Variants in EMB observed in about 807,000 individuals in gnomAD.
EMB encodes embigin homolog.
Under a neutral mutation model 41.4 loss-of-function variants are expected in EMB, and 31 were observed. That is an observed-to-expected ratio of 0.75 (90% CI 0.56 to 1.01). EMB has a LOEUF of 1.01. Ranked by LOEUF, EMB falls within the 50% of genes least tolerant of loss-of-function variation. The probability of loss-of-function intolerance (pLI) is 0.00; values close to 1 mark genes in which losing one functional copy is unlikely to be tolerated. For missense variants in EMB, 379 were observed against 388.3 expected, an observed-to-expected ratio of 0.98 and a Z score of 0.20; for synonymous variants, 137 against 140.4, an observed-to-expected ratio of 0.98 and a Z score of 0.17.
At chr5:50,437,463 C>T (rs1447010212) in intron 1 of EMB, among the ~76,000 whole-genome samples, 3 of 152,106 alleles carry the variant, frequency 2.0e-5, no homozygotes. Context: ...ATCTTTAATA[C>T]TTTGTACCCC....
At position 50,396,661 on chromosome 5, in the gene EMB, A is replaced by AGGT. The variant is rs1745071042; in HGVS notation, c.*2611_*2612insACC. ...TAGCAATTTGGAGAATGCAATATTA[A>AGGT]GAAATGGCAAAGGTGAGCCTACAGA... On this transcript the variant is annotated 3_prime_UTR_variant, in exon 9 of 9. Transcript: ENST00000303221. The AGGT allele has an allele frequency of 1.3e-5, 2 of 152,156 alleles. No individual in the cohort carries two copies. Among genetic ancestry groups the AGGT allele is most frequent in the Admixed American group, 1.3e-4 (2 of 15,264 alleles). The allele number at this position is 152,156 out of a possible 1,614,324, so 9.4% of individuals were successfully genotyped here. A position where few individuals can be genotyped will look rare whatever the true frequency, so the allele number is the denominator to read the frequency against.
intron 2 of EMB, among the ~76,000 whole-genome samples, chr5:50,412,690 T>C (rs950918458): frequency 1.3e-5 from 2 of 152,106 alleles, no homozygotes; most frequent in African/African-American, 4.8e-5. Flanking sequence ...TTAAATACGC[T>C]TTTTGTTTTG....
chr5:50,426,689 T>A (rs1158638185), intron 2 of EMB, among the ~76,000 whole-genome samples: 1 of 152,102 alleles, frequency 6.6e-6, no homozygotes, highest in African/African-American at 2.4e-5. Flanking sequence ...AAGTATTGTT[T>A]CTAGACAACA....
rs1279194811 is a variant in EMB at position 50,403,413 on chromosome 5, T to C, written c.642A>G (p.Gly214=). ...GVQMNKYVIN[G]TYANETKLKI... is the part of the protein sequence containing the mutation. ...TCAGCTTTGTTTCGTTAGCATATGT[T>C]CCATTGATCACATATTTATTCATTT... Residue 214 remains glycine (G), a synonymous_variant, in exon 6 of 9, where the codon GGA becomes GGG. Transcript: ENST00000303221. 6.2e-7 allele frequency: 1 copy of C among 1,612,438 alleles called. No homozygotes were observed. Among genetic ancestry groups the C allele is most frequent in the African/African-American group, 1.3e-5 (1 of 74,894 alleles).
At chr5:50,419,257 T>C (rs1488941918) in intron 2 of EMB, among the ~76,000 whole-genome samples, 1 of 152,106 alleles carries the variant, frequency 6.6e-6, no homozygotes, top group Non-Finnish European at 1.5e-5. Flanking sequence ...ATCAAAATCA[T>C]CTCAAGCCAT....
chr5:50,433,046 C>G (rs1017260505), intron 1 of EMB, among the ~76,000 whole-genome samples: 13 of 152,096 alleles, frequency 8.5e-5, no homozygotes, highest in African/African-American at 2.4e-4. Flanking sequence ...TCACTGCACT[C>G]CAGCCTGGAT....
intron 1 of EMB, among the ~76,000 whole-genome samples, chr5:50,439,855 A>T (rs1745867523): frequency 6.6e-6 from 1 of 152,188 alleles, no homozygotes; most frequent in South Asian, 2.1e-4. Flanking sequence ...ATAATGTCCC[A>T]ATTTTAGTTA....
chr5:50,409,287 T>C (rs1447674145), intron 4 of EMB, among the ~76,000 whole-genome samples: 2 of 152,090 alleles, frequency 1.3e-5, no homozygotes, highest in Non-Finnish European at 2.9e-5. Context: ...TTCCACATAA[T>C]AATTTAAGTA....
At chr5:50,420,048 A>G (rs1215584879) in intron 2 of EMB, among the ~76,000 whole-genome samples, 1 of 152,118 alleles carries the variant, frequency 6.6e-6, no homozygotes, top group East Asian at 1.9e-4. Context: ...AGGGGTGCAG[A>G]GCATTAGGGA....
chr5:50,432,816 C>T (rs1377779949), intron 1 of EMB, among the ~76,000 whole-genome samples: 3 of 150,476 alleles, frequency 2.0e-5, no homozygotes, highest in Admixed American at 6.6e-5. Flanking sequence ...CGGTGGCTCA[C>T]GCTTCTAATC....
chr5:50,396,589 GC>G lies in EMB; in HGVS notation c.*2683del, dbSNP rs1214357560. ...TAGAAGTGTGAAGAGCACTTTCTGA[GC>G]GGAATCTCCATGTGCCAAGTCTAGT... On this transcript the variant is annotated 3_prime_UTR_variant, in exon 9 of 9. Transcript: ENST00000303221. The G allele has an allele frequency of 1.3e-5, 2 of 152,138 alleles. No individual in the cohort carries two copies. Among genetic ancestry groups the G allele is most frequent in the African/African-American group, 4.8e-5 (2 of 41,450 alleles). 9.4% of individuals were successfully genotyped at this position (152,138 alleles called of 1,614,324 possible). A position where few individuals can be genotyped will look rare whatever the true frequency, so the allele number is the denominator to read the frequency against.
upstream of EMB, chr5:50,441,451 C>A (rs551148804): frequency 3.3e-5 from 8 of 244,848 alleles, no homozygotes; most frequent in East Asian, 5.1e-4. Flanking sequence ...TCCGCCCTCT[C>A]GGCTCTAGCA....
chr5:50,437,468 T>C (rs1745823744), intron 1 of EMB, among the ~76,000 whole-genome samples: 3 of 152,204 alleles, frequency 2.0e-5, no homozygotes, highest in Admixed American at 6.5e-5. Context: ...TAATACTTTG[T>C]ACCCCATCAA....
chr5:50,406,991 T>C (rs1333219624), intron 4 of EMB, among the ~76,000 whole-genome samples: 1 of 151,962 alleles, frequency 6.6e-6, no homozygotes, highest in Non-Finnish European at 1.5e-5. Context: ...GATGCACTAG[T>C]GCATTACTAG....
At chr5:50,425,848 T>C (rs1190713277) in intron 2 of EMB, among the ~76,000 whole-genome samples, 2 of 151,930 alleles carry the variant, frequency 1.3e-5, no homozygotes, top group Non-Finnish European at 2.9e-5. Context: ...CACACTTGGC[T>C]AATTTTTGTA....
upstream of EMB, chr5:50,441,339 T>G (rs1020867147): frequency 1.1e-5 from 4 of 375,634 alleles, no homozygotes; most frequent in Non-Finnish European, 1.9e-5. Flanking sequence ...GAGACGCTCT[T>G]ACCGCGCCCG....
rs998682315 is a variant in EMB, at chr5:50,412,578, C to A, written c.197-1195G>T. ...CTCATTTCGTTTTTCCATAAGCTGC[C>A]TTTCTCTCCTCCTCTCCTTACCCTA... On this transcript the variant is annotated intron_variant, in intron 2 of 8. Transcript: ENST00000303221. 2.6e-5 allele frequency among the ~76,000 whole-genome samples: 4 copies of A among 152,266 alleles called. No homozygotes were observed. The East Asian group carries it at 7.7e-4, about 29-fold the overall frequency.
upstream of EMB, among the ~76,000 whole-genome samples, chr5:50,442,687 G>A (rs1745934583): frequency 6.6e-6 from 1 of 152,284 alleles, no homozygotes; most frequent in South Asian, 2.1e-4. Context: ...GGCATTGACT[G>A]GGCTTGCTAA....
intron 2 of EMB, among the ~76,000 whole-genome samples, chr5:50,417,476 T>C (rs1313145502): frequency 3.3e-5 from 5 of 152,198 alleles, no homozygotes. Context: ...TAAGTGATCC[T>C]ATCAACAAGT....
Sources: allele counts gnomAD v4.1 joint callset (sites outside exome capture counted in the v4.1 genomes callset), GRCh38; gene constraint gnomAD v4.1.1; transcripts MANE v1.5; gene names NCBI Gene and HGNC (gene_info 2026-07-23, HGNC 2026-07-21).